Variants in CACNG2 observed in about 807,000 individuals in gnomAD.
CACNG2 encodes the protein calcium voltage-gated channel auxiliary subunit gamma 2, also known as voltage-dependent calcium channel gamma-2 subunit.
A neutral mutation model predicts 25.9 loss-of-function variants in CACNG2; 3 were observed. The ratio of observed to expected loss-of-function variants is 0.12; its 90% CI spans 0.05 to 0.30. CACNG2 has a LOEUF of 0.30. Among genes scored for constraint, CACNG2 ranks in the 10% least tolerant of loss-of-function variants. The pLI, the probability that CACNG2 is intolerant of heterozygous loss-of-function variation, is 1.00. For synonymous variants in CACNG2, 167 were observed against 173.3 expected, an observed-to-expected ratio of 0.96 and a Z score of 0.29; for missense variants, 341 against 432.5, an observed-to-expected ratio of 0.79 and a Z score of 1.88.
intron 1 of CACNG2, among the ~76,000 whole-genome samples, chr22:36,643,425 T>C (rs1936471656): frequency 6.6e-6 from 1 of 152,098 alleles, no homozygotes; most frequent in Non-Finnish European, 1.5e-5. Context: ...TAGACAAAAC[T>C]CTTTGCTTAT....
At chr22:36,667,506 G>A in intron 1 of CACNG2, among the ~76,000 whole-genome samples, 1 of 152,210 alleles carries the variant, frequency 6.6e-6, no homozygotes, top group South Asian at 2.1e-4. Flanking sequence ...ACCTCAGTGA[G>A]TAGCTGCTGA....
At chr22:36,663,674 G>T (rs930125305) in intron 1 of CACNG2, among the ~76,000 whole-genome samples, 2 of 152,188 alleles carry the variant, frequency 1.3e-5, no homozygotes, top group Non-Finnish European at 2.9e-5. Flanking sequence ...CAAAGAGTTT[G>T]CAGCGCTCGC....
chr22:36,655,134 T>C (rs896197087), intron 1 of CACNG2, among the ~76,000 whole-genome samples: 1 of 152,166 alleles, frequency 6.6e-6, no homozygotes, highest in African/African-American at 2.4e-5. Context: ...TCCTTTTCAA[T>C]GCTCTTATAA....
In CACNG2 at chr22:36,642,326, G is replaced by A. The variant is rs1446645932; in HGVS notation, c.212-54778C>T. On this transcript the variant is annotated intron_variant, in intron 1 of 3. Coordinates refer to ENST00000300105, the MANE Select transcript of CACNG2 (RefSeq NM_006078.5). ...AAACTGTGTTAGCTGCTGTGCTCTG[G>A]TTGGGGATTTGACCGTTTCTTCCAC... Among the ~76,000 whole-genome samples, 4 of 152,182 alleles carry A rather than the reference G, an allele frequency of 2.6e-5. No individual in the cohort carries two copies. The East Asian group carries it at 7.7e-4, about 29-fold the overall frequency.
intron 1 of CACNG2, among the ~76,000 whole-genome samples, chr22:36,656,829 A>G (rs1273697554): frequency 6.6e-6 from 1 of 152,100 alleles, no homozygotes; most frequent in Non-Finnish European, 1.5e-5. Flanking sequence ...AGACTTCCCC[A>G]TTTAAAATGG....
intron 1 of CACNG2, among the ~76,000 whole-genome samples, chr22:36,698,003 G>A (rs950769714): frequency 1.3e-5 from 2 of 152,082 alleles, no homozygotes; most frequent in African/African-American, 4.8e-5. Flanking sequence ...ATTAGGAGCT[G>A]TGCAGCCTCA....
intron 1 of CACNG2, among the ~76,000 whole-genome samples, chr22:36,696,468 AG>A (rs954385124): frequency 1.3e-5 from 2 of 152,202 alleles, no homozygotes; most frequent in Non-Finnish European, 2.9e-5. Context: ...ATCCTTCGGC[AG>A]TGTGAAGGGA....
chr22:36,645,018 T>G (rs1195923282), intron 1 of CACNG2, among the ~76,000 whole-genome samples: 1 of 152,340 alleles, frequency 6.6e-6, no homozygotes, highest in East Asian at 1.9e-4. Flanking sequence ...GACCAAAGCC[T>G]GCACCACATC....
chr22:36,576,731 G>A (rs975834222), intron 2 of CACNG2, among the ~76,000 whole-genome samples: 6 of 151,986 alleles, frequency 3.9e-5, no homozygotes, highest in Non-Finnish European at 7.4e-5. Context: ...GCCCGCTTGG[G>A]GTCTCCTCCT....
chr22:36,581,842 G>C (rs773204873), intron 2 of CACNG2, among the ~76,000 whole-genome samples: 1 of 152,118 alleles, frequency 6.6e-6, no homozygotes, highest in Non-Finnish European at 1.5e-5. Flanking sequence ...CTGGCCTCAG[G>C]TCCATACCGA....
At chr22:36,679,246 C>CTTTCTTTCTTTCT (rs1555901120) in intron 1 of CACNG2, among the ~76,000 whole-genome samples, 2 of 122,108 alleles carry the variant, frequency 1.6e-5, no homozygotes, top group African/African-American at 6.3e-5. Flanking sequence ...TTCTTTCTTT[C>CTTTCTTTCTTTCT]TTTTCTTTAA....
chr22:36,665,330 C>A (rs1734308960), intron 1 of CACNG2, among the ~76,000 whole-genome samples: 2 of 152,148 alleles, frequency 1.3e-5, no homozygotes, highest in South Asian at 4.1e-4. Flanking sequence ...TCTAGACGTC[C>A]CTTTCCTCAT....
chr22:36,694,281 C>T (rs1937304589), intron 1 of CACNG2, among the ~76,000 whole-genome samples: 1 of 152,124 alleles, frequency 6.6e-6, no homozygotes, highest in Non-Finnish European at 1.5e-5. Context: ...CCCCCTCTCC[C>T]CTGAAGGCTG....
rs1433112840 is a variant in CACNG2, at chr22:36,606,707, TGAAGCCAGAAGTGTCATTTAGAGGACG to T, written c.212-19186_212-19160del. 6.6e-6 allele frequency among the ~76,000 whole-genome samples: 1 copy of T among 151,892 alleles called. No homozygotes were observed. Among genetic ancestry groups the T allele is most frequent in the Non-Finnish European group, 1.5e-5 (1 of 67,978 alleles). ...GCCAACCAGAGAGAGGACAGGATGC[TGAAGCCAGAAGTGTCATTTAGAGGACG>T]GAAACCAGACGGTTGGGCTGTGCGT... On this transcript the variant is annotated intron_variant, in intron 1 of 3. Transcript: ENST00000300105. This position sits in a 1 kb window ranked among gnomAD's most constrained non-coding sequence, Gnocchi z 5.7.
intron 1 of CACNG2, among the ~76,000 whole-genome samples, chr22:36,685,886 C>T (rs1473658487): frequency 6.6e-6 from 1 of 152,198 alleles, no homozygotes; most frequent in African/African-American, 2.4e-5. Context: ...ATGTGCCAGC[C>T]CCTGCCTTAG....
intron 1 of CACNG2, among the ~76,000 whole-genome samples, chr22:36,690,763 CTGATGA>C (rs370089879): frequency 6.6e-6 from 1 of 152,030 alleles, no homozygotes; most frequent in Admixed American, 6.6e-5. Context: ...AGAATGCATC[CTGATGA>C]TGATGATGAT....
At chr22:36,681,192 G>A (rs544355422) in intron 1 of CACNG2, among the ~76,000 whole-genome samples, 1 of 151,916 alleles carries the variant, frequency 6.6e-6, no homozygotes, top group South Asian at 2.1e-4. Context: ...CTTTTAGTTT[G>A]TCTTCATCCC....
At chr22:36,607,434 T>C (rs551088454) in intron 1 of CACNG2, among the ~76,000 whole-genome samples, 5 of 152,270 alleles carry the variant, frequency 3.3e-5, no homozygotes, top group African/African-American at 1.2e-4. Context: ...TTTTGTATTT[T>C]TTGTAGAGAC....
intron 2 of CACNG2, among the ~76,000 whole-genome samples, chr22:36,584,280 C>G (rs915818681): frequency 1.3e-5 from 2 of 152,154 alleles, no homozygotes; most frequent in African/African-American, 4.8e-5. Context: ...GGTGAAACCC[C>G]ATCTTTACTA....
Sources: allele counts gnomAD v4.1 joint callset (sites outside exome capture counted in the v4.1 genomes callset), GRCh38; gene constraint gnomAD v4.1.1; non-coding constraint Gnocchi (gnomAD v3.1); transcripts MANE v1.5; gene names NCBI Gene and HGNC (gene_info 2026-07-23, HGNC 2026-07-21).